DGKB: variants seen among roughly 807,000 people sequenced by gnomAD.
DGKB encodes the protein diacylglycerol kinase beta.
In DGKB, 67 loss-of-function variants were observed where a neutral mutation model predicts 114.3. The ratio of observed to expected loss-of-function variants is 0.59; its 90% CI spans 0.48 to 0.72. The LOEUF is 0.72. Among genes scored for constraint, DGKB ranks in the 30% least tolerant of loss-of-function variants. DGKB has a pLI of 0.00. For synonymous variants in DGKB, 398 were observed against 323.1 expected, an observed-to-expected ratio of 1.23 and a Z score of -2.49; for missense variants, 907 against 975.2, an observed-to-expected ratio of 0.93 and a Z score of 0.93.
At chr7:14,669,553 A>T (rs192694774) in intron 13 of DGKB, among the ~76,000 whole-genome samples, 67 of 152,138 alleles carry the variant, frequency 4.4e-4, no homozygotes, top group East Asian at 7.7e-4. Flanking sequence ...CAGCCCCAAC[A>T]TTTCTTCTTT....
At chr7:14,546,384 A>C (rs151031435) in intron 20 of DGKB, among the ~76,000 whole-genome samples, 2 of 152,114 alleles carry the variant, frequency 1.3e-5, no homozygotes, top group Non-Finnish European at 2.9e-5. Flanking sequence ...CATCAACATT[A>C]TCTCTCCTCT....
chr7:14,887,802 T>A (rs1366783688), intron 1 of DGKB, among the ~76,000 whole-genome samples: 1 of 151,698 alleles, frequency 6.6e-6, no homozygotes, highest in African/African-American at 2.4e-5. Context: ...AAAATGAAAA[T>A]TTTAAAATAT....
At chr7:14,416,230 T>A (rs2128752873) in intron 21 of DGKB, among the ~76,000 whole-genome samples, 1 of 152,078 alleles carries the variant, frequency 6.6e-6, no homozygotes, top group Admixed American at 6.6e-5. Flanking sequence ...TTGCATATAT[T>A]TTTATATAGG....
chr7:14,830,108 C>T (rs1846209485), intron 2 of DGKB, among the ~76,000 whole-genome samples: 1 of 151,896 alleles, frequency 6.6e-6, no homozygotes, highest in African/African-American at 2.4e-5. Flanking sequence ...AAAATGTGCC[C>T]TCCAGGAAGG....
chr7:14,470,997 C>T (rs1034633989), intron 21 of DGKB, among the ~76,000 whole-genome samples: 3 of 150,922 alleles, frequency 2.0e-5, no homozygotes, highest in Non-Finnish European at 4.5e-5. Flanking sequence ...ATATTTTTAA[C>T]TTCTCATTAT....
chr7:14,295,815 C>A (rs1238060533), intron 23 of DGKB, among the ~76,000 whole-genome samples: 1 of 152,062 alleles, frequency 6.6e-6, no homozygotes, highest in Non-Finnish European at 1.5e-5. Context: ...ATTAACCCAT[C>A]ATCTACATTA....
chr7:14,215,908 T>C (rs1788882993), intron 23 of DGKB, among the ~76,000 whole-genome samples: 1 of 152,228 alleles, frequency 6.6e-6, no homozygotes, highest in African/African-American at 2.4e-5. Context: ...TCTCTCTGTA[T>C]GTTTGCCACT....
chr7:14,588,830 A>G (rs984708559), intron 17 of DGKB, among the ~76,000 whole-genome samples: 1 of 152,048 alleles, frequency 6.6e-6, no homozygotes, highest in Non-Finnish European at 1.5e-5. Flanking sequence ...GTAAGTCCAT[A>G]TCTCAGGGCA....
At chr7:14,233,731 A>C (rs1376917846) in intron 23 of DGKB, among the ~76,000 whole-genome samples, 1 of 152,034 alleles carries the variant, frequency 6.6e-6, no homozygotes, top group African/African-American at 2.4e-5. Flanking sequence ...TGCATCATTG[A>C]GAACCAACTG....
intron 23 of DGKB, among the ~76,000 whole-genome samples, chr7:14,321,046 T>G (rs562558915): frequency 6.6e-6 from 1 of 152,222 alleles, no homozygotes; most frequent in African/African-American, 2.4e-5. Flanking sequence ...ATCACAGCAC[T>G]TTGGGAGGAT....
chr7:14,590,107 A>T (rs1463324575), intron 17 of DGKB, among the ~76,000 whole-genome samples: 1 of 151,770 alleles, frequency 6.6e-6, no homozygotes. Context: ...ACATGTATAC[A>T]TATGTAACTA....
chr7:14,253,878 T>C (rs1795593307), intron 23 of DGKB, among the ~76,000 whole-genome samples: 1 of 152,186 alleles, frequency 6.6e-6, no homozygotes, highest in Non-Finnish European at 1.5e-5. Flanking sequence ...ATGACTAGGT[T>C]AATAAGATCA....
At chr7:14,305,972 A>C (rs1804399721) in intron 23 of DGKB, among the ~76,000 whole-genome samples, 1 of 152,302 alleles carries the variant, frequency 6.6e-6, no homozygotes, top group African/African-American at 2.4e-5. Flanking sequence ...TTCAAGGAAT[A>C]AAAAGAATTC....
chr7:14,749,638 T>C (rs1466765162), intron 4 of DGKB, among the ~76,000 whole-genome samples: 1 of 152,172 alleles, frequency 6.6e-6, no homozygotes. Flanking sequence ...ATTCTTCAGC[T>C]GAAATCTATT....
chr7:14,258,987 T>G (rs753415973), intron 23 of DGKB, among the ~76,000 whole-genome samples: 1 of 152,170 alleles, frequency 6.6e-6, no homozygotes, highest in Non-Finnish European at 1.5e-5. Flanking sequence ...GTAATGTAGA[T>G]TTCAGATGGC....
At chr7:14,171,195 C>A (rs1196821072) in intron 25 of DGKB, among the ~76,000 whole-genome samples, 1 of 152,110 alleles carries the variant, frequency 6.6e-6, no homozygotes, top group Non-Finnish European at 1.5e-5. Flanking sequence ...AGAAAAAAGG[C>A]AAAGAGGGGT....
intron 23 of DGKB, chr7:14,209,227 T>C: frequency 7.2e-6 from 2 of 278,688 alleles, no homozygotes; most frequent in Non-Finnish European, 1.4e-5. Context: ...AATTTTTAAA[T>C]TGTATCTCAT....
At chr7:14,428,534 C>A (rs983376922) in intron 21 of DGKB, among the ~76,000 whole-genome samples, 1 of 152,112 alleles carries the variant, frequency 6.6e-6, no homozygotes, top group African/African-American at 2.4e-5. Context: ...TCTCAGCCTG[C>A]TCCTTCCTCC....
At chr7:14,255,896 T>A (rs563249778) in intron 23 of DGKB, among the ~76,000 whole-genome samples, 1 of 152,226 alleles carries the variant, frequency 6.6e-6, no homozygotes. Context: ...GCAGCAAAGA[T>A]CACTGAGGTC....
Sources: gnomAD v4.1 joint callset for allele counts (sites outside exome capture counted in the v4.1 genomes callset) on GRCh38, gnomAD v4.1.1 for gene constraint, MANE v1.5 for transcripts, NCBI Gene and HGNC (gene_info 2026-07-23, HGNC 2026-07-21) for gene names.